VAC14: variants seen among roughly 807,000 people sequenced by gnomAD.
The protein encoded by VAC14 is VAC14 component of PIKFYVE complex.
A neutral mutation model predicts 85.3 loss-of-function variants in VAC14; 47 were observed. That is an observed-to-expected ratio of 0.55 (90% CI 0.44 to 0.70). The LOEUF (loss-of-function observed/expected upper bound fraction) is 0.70, where lower values mean the gene tolerates loss of function less well. Ranked by LOEUF, VAC14 falls within the 30% of genes least tolerant of loss-of-function variation. The pLI is 0.00. For missense variants in VAC14, 861 were observed against 1,004.3 expected (o/e 0.86, Z 1.93); for synonymous variants, 447 against 430.5 (o/e 1.04, Z -0.47).
intron 14 of VAC14, among the ~76,000 whole-genome samples, chr16:70,718,046 G>C (rs1386957902): frequency 6.6e-6 from 1 of 152,224 alleles, no homozygotes; most frequent in African/African-American, 2.4e-5. Context: ...CTGCGTTCCA[G>C]GAGCTGAGCC....
Position 70,762,738 on chromosome 16 carries a change from C to G in VAC14, c.1306-133G>C. On this transcript the variant is annotated intron_variant, in intron 11 of 18. Transcript: ENST00000261776. The surrounding 1 kb of genome is among the most constrained non-coding windows in gnomAD (Gnocchi z 4.1). ...ACTTCCCTCCCCGACACAATGAGGG[C>G]TCCTCGCAGCACCTGTCACTTCTCT... The G allele has an allele frequency of 6.7e-7, 1 of 1,489,412 alleles. No individual in the cohort carries two copies. The highest frequency in any genetic ancestry group is 9.2e-7 in the Non-Finnish European group (1 of 1,087,980). 92.3% of individuals were successfully genotyped at this position (1,489,412 alleles called of 1,614,324 possible). A position where few individuals can be genotyped will look rare whatever the true frequency, so the allele number is the denominator to read the frequency against.
Position 70,800,956 on chromosome 16 carries a change from C to T in VAC14, c.-56G>A. 7.2e-7 allele frequency: 1 copy of T among 1,381,526 alleles called. No homozygotes were observed. The highest frequency in any genetic ancestry group is 9.8e-7 in the Non-Finnish European group (1 of 1,022,776). 85.6% of individuals were successfully genotyped at this position (1,381,526 alleles called of 1,614,324 possible). ...TAGCCCGCGGCTGCCGGGGCCGCGC[C>T]GGGGCCAGGGGAGTCTGCGGCTCCG... On this transcript the variant is annotated 5_prime_UTR_variant, in exon 1 of 19. Transcript: ENST00000261776.
At chr16:70,730,328 C>A (rs2054552924) in intron 14 of VAC14, among the ~76,000 whole-genome samples, 1 of 152,052 alleles carries the variant, frequency 6.6e-6, no homozygotes, top group South Asian at 2.1e-4. Context: ...CTGTCAGTGC[C>A]TCCGTGCTGA....
At chr16:70,698,505 A>T in intron 15 of VAC14, 132 bp downstream of exon 15, 1 of 1,100,000 alleles carries the variant, frequency 9.1e-7, no homozygotes, top group Non-Finnish European at 1.3e-6. Context: ...CCAGTGGACC[A>T]GGGGAAGTCT....
chr16:70,773,901 G>A (rs2033379416), intron 9 of VAC14, among the ~76,000 whole-genome samples: 1 of 151,712 alleles, frequency 6.6e-6, no homozygotes, highest in South Asian at 2.1e-4. Flanking sequence ...GGGTAGCTGG[G>A]ACTATAGGCA....
intron 13 of VAC14, among the ~76,000 whole-genome samples, chr16:70,738,192 G>A (rs1288587883): frequency 6.6e-6 from 1 of 152,214 alleles, no homozygotes; most frequent in Non-Finnish European, 1.5e-5. Context: ...CAAGAATCAA[G>A]TGGCTGGGAG....
intron 1 of VAC14, among the ~76,000 whole-genome samples, chr16:70,789,441 C>G (rs1014291129): frequency 6.6e-6 from 1 of 152,160 alleles, no homozygotes; most frequent in African/African-American, 2.4e-5. Flanking sequence ...TGTTAATCAA[C>G]TTATATGCAA....
At chr16:70,699,357 ATCAGCG>A (rs972951158) in intron 14 of VAC14, 2 of 157,118 alleles carry the variant, frequency 1.3e-5, no homozygotes, top group African/African-American at 2.4e-5. Context: ...TCCGTGTGGG[ATCAGCG>A]TTATGACCCT....
rs1262105411 is a variant in VAC14, at chr16:70,786,284, C to T, written c.186G>A (p.Leu62=). The change falls in exon 2 of 19, where the codon CTG becomes CTA. Residue 62 remains leucine (L), a synonymous_variant. Transcript: ENST00000261776. ...VIQTLSQEFA[L]SQHPHSRKGG... ...CTTTCCGGCTGTGGGGGTGCTGAGA[C>T]AGGGCAAACTCCTGGGACAGGGTCT... is the stretch of plus-strand genomic sequence containing the variant. 6.2e-7 allele frequency: 1 copy of T among 1,614,224 alleles called. No individual in the cohort carries two copies. Among genetic ancestry groups the T allele is most frequent in the Non-Finnish European group, 8.5e-7 (1 of 1,180,032 alleles).
At position 70,687,983 on chromosome 16, in the gene VAC14, A is replaced by C; in HGVS notation, c.2294T>G (p.Val765Gly). ...FEKVQNKHLE[V>G]RHQRSGRGDH... The stretch of plus-strand genomic sequence containing the variant: ...CCCACGCCCGCTCCGCTGGTGCCGC[A>C]CTTCCAGGTGCTTGTTCTGGACCTT... Residue 765 changes from valine to glycine, a missense_variant, in exon 19 of 19, where the codon GTG becomes GGG. By Grantham distance (109) the Val-to-Gly change is moderately radical. Coordinates refer to ENST00000261776, the MANE Select transcript of VAC14 (RefSeq NM_018052.5). 3 of 1,597,424 alleles carry C rather than the reference A, an allele frequency of 1.9e-6. No individual in the cohort carries two copies. The highest frequency in any genetic ancestry group is 2.6e-6 in the Non-Finnish European group (3 of 1,169,890).
intron 18 of VAC14, 95 bp downstream of exon 18, chr16:70,692,726 C>T (rs1346230171): frequency 1.3e-6 from 2 of 1,499,838 alleles, no homozygotes; most frequent in African/African-American, 1.4e-5. Flanking sequence ...GTGAGGGAGG[C>T]CTCAGCAGCC....
chr16:70,708,077 A>G (rs556313641), intron 14 of VAC14, among the ~76,000 whole-genome samples: 1 of 152,154 alleles, frequency 6.6e-6, no homozygotes, highest in Non-Finnish European at 1.5e-5. Flanking sequence ...GGCGTGAGCC[A>G]CCGCACCTGC....
rs547731980 is a variant in VAC14, at chr16:70,698,973, G to A, written c.1662-162C>T. On this transcript the variant is annotated intron_variant, in intron 14 of 18. Coordinates refer to ENST00000261776, the MANE Select transcript of VAC14 (RefSeq NM_018052.5). ...CTGAGGCCTGTGGTTGTGGGAGGGC[G>A]GGGAAGGGTGGGGGGAATGCCGCAC... 7.9e-5 allele frequency among the ~76,000 whole-genome samples: 12 copies of A among 152,208 alleles called. No homozygotes were observed. In the South Asian group the frequency reaches 2.1e-3, roughly 26 times the overall value.
chr16:70,724,457 C>T (rs143119639), intron 14 of VAC14, among the ~76,000 whole-genome samples: 98 of 152,314 alleles, frequency 6.4e-4, no homozygotes, highest in Middle Eastern at 3.4e-3. Flanking sequence ...TCTCTGGGCT[C>T]CCTGAACTTT....
intron 16 of VAC14, among the ~76,000 whole-genome samples, chr16:70,696,662 G>A (rs373203502): frequency 1.3e-5 from 2 of 152,164 alleles, no homozygotes; most frequent in African/African-American, 2.4e-5. Context: ...TGTGGCCCCC[G>A]AAGGCCCACG....
intron 14 of VAC14, among the ~76,000 whole-genome samples, chr16:70,705,665 G>A (rs1216040048): frequency 1.3e-5 from 2 of 152,128 alleles, no homozygotes; most frequent in African/African-American, 2.4e-5. Context: ...GCCTGCTCCC[G>A]CCCGGCATGC....
rs1311920741 is a variant in VAC14, at chr16:70,786,369, G to A, written c.105-4C>T. On this transcript the variant is annotated splice_polypyrimidine_tract_variant and splice_region_variant and intron_variant, in intron 1 of 18. Transcript: ENST00000261776. Reference sequence around the variant, plus strand: ...GGCCACGAACTCCCGGACCAGCCTGGAGAGAGAGGAGAGAGGGGCTGTGGG... The same window carrying A: ...GGCCACGAACTCCCGGACCAGCCTGAAGAGAGAGGAGAGAGGGGCTGTGGG... 15 of 1,612,660 alleles carry A rather than the reference G, an allele frequency of 9.3e-6. No individual in the cohort carries two copies. In the South Asian group the frequency reaches 1.5e-4, roughly 17 times the overall value.
intron 7 of VAC14, among the ~76,000 whole-genome samples, chr16:70,782,224 C>T (rs571483923): frequency 3.3e-5 from 5 of 152,314 alleles, no homozygotes; most frequent in Admixed American, 1.3e-4. Context: ...TAAGGGCAGC[C>T]GCATCCCTGC....
At chr16:70,791,880 G>C (rs1273321783) in intron 1 of VAC14, among the ~76,000 whole-genome samples, 2 of 152,160 alleles carry the variant, frequency 1.3e-5, no homozygotes, top group African/African-American at 2.4e-5. Flanking sequence ...TGGTGACATG[G>C]GAGTGCTTTG....
Sources: allele counts gnomAD v4.1 joint callset (sites outside exome capture counted in the v4.1 genomes callset), GRCh38; gene constraint gnomAD v4.1.1; non-coding constraint Gnocchi (gnomAD v3.1); transcripts MANE v1.5; gene names NCBI Gene and HGNC (gene_info 2026-07-23, HGNC 2026-07-21).